Variants in GPATCH3 observed in about 807,000 individuals in gnomAD.
GPATCH3 encodes G patch domain-containing protein 3.
Under a neutral mutation model 53.2 loss-of-function variants are expected in GPATCH3, and 45 were observed. The observed-to-expected ratio is 0.85, with a 90% confidence interval of 0.67 to 1.08. GPATCH3 has a LOEUF of 1.08. Ranked by LOEUF, GPATCH3 falls within the 50% of genes least tolerant of loss-of-function variation. The pLI, the probability that GPATCH3 is intolerant of heterozygous loss-of-function variation, is 0.00. For synonymous variants in GPATCH3, 280 were observed against 270.6 expected, an observed-to-expected ratio of 1.03 and a Z score of -0.34; for missense variants, 680 against 687.2, an observed-to-expected ratio of 0.99 and a Z score of 0.12.
Position 26,900,021 on chromosome 1 carries a change from C to A in GPATCH3, c.422G>T (p.Arg141Leu), listed in dbSNP as rs1415246347. 3.7e-6 allele frequency: 6 copies of A among 1,614,018 alleles called. No homozygotes were observed. Among genetic ancestry groups the A allele is most frequent in the Non-Finnish European group, 4.2e-6 (5 of 1,180,048 alleles). ...TGCCTCCGTAGGTAGCCGAAGTCTG[C>A]GGATGAGACAGCGACCCGGTAGCCA... ...GTWLPGRCLI[R>L]RLRLPTEASG... Residue 141 changes from arginine (R) to leucine (L), a missense_variant, in exon 1 of 7, where the codon CGC becomes CTC. Physicochemically the swap from Arg to Leu is moderately radical, Grantham distance 102. Transcript: ENST00000361720.
At chr1:26,898,947 G>A (rs113715232) in intron 1 of GPATCH3, among the ~76,000 whole-genome samples, 8 of 152,114 alleles carry the variant, frequency 5.3e-5, no homozygotes, top group South Asian at 2.1e-4. Context: ...TTACAGGCAC[G>A]AGCCATTGCA....
rs1157844087 is a variant in GPATCH3, at chr1:26,900,227, G to A, written c.216C>T (p.Ala72=). The change falls in exon 1 of 7, where the codon GCC becomes GCT. Residue 72 remains alanine, a synonymous_variant. Coordinates refer to ENST00000361720, the MANE Select transcript of GPATCH3 (RefSeq NM_022078.3). Reference sequence around the variant, plus strand: ...TCTGAGAGAGAAGCTGGCCCTCAGCGGCTGGGTCGGTAGGAATTAGGGCAG... The same window carrying A: ...TCTGAGAGAGAAGCTGGCCCTCAGCAGCTGGGTCGGTAGGAATTAGGGCAG... ...PNSALIPTDP[A]AEGQLLSQTS... The A allele has an allele frequency of 2.5e-6, 4 of 1,614,060 alleles. No individual in the cohort carries two copies. Among genetic ancestry groups the A allele is most frequent in the South Asian group, 2.2e-5 (2 of 91,090 alleles).
In GPATCH3 at chr1:26,900,368, G is replaced by A. The variant is rs1387771241; in HGVS notation, c.75C>T (p.Arg25=). ...TAAAATAGCTCCGTAAATGGGCCGAGCGCAACACGGAGGGGATACCGCTCA... is the reference window on the plus strand; with the variant it reads ...TAAAATAGCTCCGTAAATGGGCCGAACGCAACACGGAGGGGATACCGCTCA... ...LVVSGIPSVL[R]SAHLRSYFSQ... Residue 25 remains arginine (R), a synonymous_variant, in exon 1 of 7, where the codon CGC becomes CGT. Coordinates refer to ENST00000361720, the MANE Select transcript of GPATCH3 (RefSeq NM_022078.3). 7.4e-6 allele frequency: 12 copies of A among 1,613,906 alleles called. No homozygotes were observed. Among genetic ancestry groups the A allele is most frequent in the Non-Finnish European group, 1.0e-5 (12 of 1,180,018 alleles).
At chr1:26,899,020 G>C (rs765321204) in intron 1 of GPATCH3, among the ~76,000 whole-genome samples, 3 of 152,108 alleles carry the variant, frequency 2.0e-5, no homozygotes, top group Admixed American at 6.5e-5. Context: ...TCAAAGCTGT[G>C]TCTTTGCAAA....
At chr1:26,897,816 T>C in intron 1 of GPATCH3, 91 bp from the exon 2 acceptor site, 1 of 1,053,724 alleles carries the variant, frequency 9.5e-7, no homozygotes, top group Non-Finnish European at 1.3e-6. Flanking sequence ...CTGTTAGCCT[T>C]TCCCTAGTAA....
intron 2 of GPATCH3, among the ~76,000 whole-genome samples, chr1:26,896,593 C>T (rs1236080075): frequency 5.4e-5 from 8 of 148,600 alleles, no homozygotes; most frequent in Non-Finnish European, 1.0e-4. Flanking sequence ...CCAGCTTACT[C>T]GGGAGGCTGA....
At position 26,900,131 on chromosome 1, in the gene GPATCH3, G is replaced by A; in HGVS notation, c.312C>T (p.Cys104=). 1.2e-6 allele frequency: 2 copies of A among 1,614,166 alleles called. No homozygotes were observed. Among genetic ancestry groups the A allele is most frequent in the Non-Finnish European group, 1.7e-6 (2 of 1,180,036 alleles). ...GAGCCAACCCCCTTACCGAGATGAC[G>A]CAGCAGCAGGTGCGGGTCTGGATTG... The part of the protein sequence containing the change: ...STPIQTRTCC[C]VISVRGLAQA... Residue 104 remains cysteine (C), a synonymous_variant, in exon 1 of 7, where the codon TGC becomes TGT. Coordinates refer to ENST00000361720, the MANE Select transcript of GPATCH3 (RefSeq NM_022078.3).
chr1:26,893,680 C>T (rs1447502697), intron 3 of GPATCH3, among the ~76,000 whole-genome samples: 1 of 151,878 alleles, frequency 6.6e-6, no homozygotes, highest in Admixed American at 6.6e-5. Flanking sequence ...GCCACCATAC[C>T]CAGCTAATTT....
Position 26,897,603 on chromosome 1 carries a change from TG to T in GPATCH3, c.573del (p.Arg192GlufsTer14). 6.2e-7 allele frequency: 1 copy of T among 1,614,222 alleles called. No homozygotes were observed. ...CGCAGGGGAGTCCCCACATTCCCTCTGGGCATCAGCACTGGTGGGTTCAGCT... is the reference window on the plus strand; with the variant it reads ...CGCAGGGGAGTCCCCACATTCCCTCTGGCATCAGCACTGGTGGGTTCAGCT... ...LPELNPPVLMPRGNVGTPLRV... is the reference protein window; with the variant it reads ...LPELNPPVLMXRGNVGTPLRV... On this transcript the variant is annotated frameshift_variant, in exon 2 of 7. Coordinates refer to ENST00000361720, the MANE Select transcript of GPATCH3 (RefSeq NM_022078.3). LOFTEE classifies it high-confidence loss of function.
In GPATCH3 at chr1:26,897,287, C is replaced by T. The variant is rs199831432; in HGVS notation, c.876+14G>A. On this transcript the variant is annotated intron_variant, in intron 2 of 6. Coordinates refer to ENST00000361720, the MANE Select transcript of GPATCH3 (RefSeq NM_022078.3). ...TCAGCTGCCAGCAAGGACAGGGTAG[C>T]ACACTGTACTCACCTCATCTGAGTG... is the stretch of plus-strand genomic sequence containing the variant. 1.1e-3 allele frequency: 1,767 copies of T among 1,611,272 alleles called. No individual in the cohort carries two copies. The highest frequency in any genetic ancestry group is 1.4e-3 in the Non-Finnish European group (1,628 of 1,177,994).
Position 26,897,294 on chromosome 1 carries a change from T to C in GPATCH3, c.876+7A>G. The C allele has an allele frequency of 6.2e-7, 1 of 1,613,494 alleles. No homozygotes were observed. Among genetic ancestry groups the C allele is most frequent in the South Asian group, 1.1e-5 (1 of 91,028 alleles). Reference sequence around the variant, plus strand: ...CCAGCAAGGACAGGGTAGCACACTGTACTCACCTCATCTGAGTGAGACTCT... The same window carrying C: ...CCAGCAAGGACAGGGTAGCACACTGCACTCACCTCATCTGAGTGAGACTCT... On this transcript the variant is annotated splice_region_variant and intron_variant, in intron 2 of 6. Transcript: ENST00000361720.
chr1:26,895,522 TA>T (rs763002456), intron 2 of GPATCH3, among the ~76,000 whole-genome samples: 920 of 84,448 alleles, frequency 0.011, 12 homozygotes, highest in Middle Eastern at 0.036. Flanking sequence ...AGAGCCTGCT[TA>T]AAAAAAAAAA....
In GPATCH3 at chr1:26,891,242, C is replaced by T. The variant is rs2081923951; in HGVS notation, c.1362-16G>A. On this transcript the variant is annotated splice_polypyrimidine_tract_variant and intron_variant, in intron 6 of 6. Transcript: ENST00000361720. ...TCCATGGTACCTGGATAAAAACGGGCTCTCAGTGAGAAGGCTGCTCTCAAA... is the reference window on the plus strand; with the variant it reads ...TCCATGGTACCTGGATAAAAACGGGTTCTCAGTGAGAAGGCTGCTCTCAAA... The T allele has an allele frequency of 1.3e-6, 2 of 1,599,862 alleles. No homozygotes were observed. The highest frequency in any genetic ancestry group is 1.7e-6 in the Non-Finnish European group (2 of 1,169,846).
In GPATCH3 at chr1:26,899,977, C is replaced by G. The variant is rs748475274; in HGVS notation, c.451+15G>C. The G allele has an allele frequency of 1.1e-4, 179 of 1,612,604 alleles. No homozygotes were observed. Among genetic ancestry groups the G allele is most frequent in the Non-Finnish European group, 1.5e-4 (172 of 1,179,140 alleles). ...CAGGCCCGTAGGCCCAGTCTATTAACTTTCTCACTCTTACCTGATGCCTCC... is the reference window on the plus strand; with the variant it reads ...CAGGCCCGTAGGCCCAGTCTATTAAGTTTCTCACTCTTACCTGATGCCTCC... On this transcript the variant is annotated intron_variant, in intron 1 of 6. Transcript: ENST00000361720.
chr1:26,891,988 T>C (rs374256693), intron 6 of GPATCH3, among the ~76,000 whole-genome samples: 1 of 152,266 alleles, frequency 6.6e-6, no homozygotes, highest in East Asian at 1.9e-4. Context: ...ATTACAGGCA[T>C]GAGCCACTGC....
chr1:26,900,354 C>G lies in GPATCH3; in HGVS notation c.89G>C (p.Arg30Pro), dbSNP rs1361692513. 1 of 1,613,910 alleles carries G rather than the reference C, an allele frequency of 6.2e-7. No homozygotes were observed. Among genetic ancestry groups the G allele is most frequent in the Admixed American group, 1.7e-5 (1 of 59,992 alleles). The change falls in exon 1 of 7, where the codon CGG becomes CCG. Residue 30 changes from arginine to proline, a missense_variant. Coordinates refer to ENST00000361720, the MANE Select transcript of GPATCH3 (RefSeq NM_022078.3). ...IPSVLRSAHLRSYFSQFREER... is the reference protein window; with the variant it reads ...IPSVLRSAHLPSYFSQFREER... The stretch of plus-strand genomic sequence containing the variant: ...TTCTCGGAACTGGCTAAAATAGCTC[C>G]GTAAATGGGCCGAGCGCAACACGGA...
intron 3 of GPATCH3, 134 bp downstream of exon 3, chr1:26,894,102 G>T (rs545684132): frequency 3.7e-6 from 3 of 812,330 alleles, no homozygotes; most frequent in Non-Finnish European, 5.8e-6. Context: ...TTGGTCTCTC[G>T]TATACAATAG....
At chr1:26,897,021 CAAA>C (rs5773170) in intron 2 of GPATCH3, among the ~76,000 whole-genome samples, 2 of 98,344 alleles carry the variant, frequency 2.0e-5, no homozygotes, top group African/African-American at 3.6e-5. Flanking sequence ...GACTCCGTCT[CAAA>C]AAAAAAAAAA....
chr1:26,897,442 C>T lies in GPATCH3; in HGVS notation c.735G>A (p.Val245=), dbSNP rs756832557. 4 of 1,614,228 alleles carry T rather than the reference C, an allele frequency of 2.5e-6. No homozygotes were observed. Among genetic ancestry groups the T allele is most frequent in the Non-Finnish European group, 2.5e-6 (3 of 1,180,052 alleles). ...VPFEYEDSET[V]EQEELVYTAE... ...CTGTATACACAAGCTCTTCCTGCTC[C>T]ACAGTCTCTGAGTCCTCATACTCAA... Residue 245 remains valine, a synonymous_variant, in exon 2 of 7, where the codon GTG becomes GTA. Coordinates refer to ENST00000361720, the MANE Select transcript of GPATCH3 (RefSeq NM_022078.3).
Sources: gnomAD v4.1 joint callset for allele counts (sites outside exome capture counted in the v4.1 genomes callset) on GRCh38, gnomAD v4.1.1 for gene constraint, MANE v1.5 for transcripts, NCBI Gene and HGNC (gene_info 2026-07-23, HGNC 2026-07-21) for gene names.